The following YAF2 variants were observed in gnomAD, a reference collection of about 807,000 sequenced individuals.
The protein encoded by YAF2 is YY1 associated factor 2.
Under a neutral mutation model 20.1 loss-of-function variants are expected in YAF2, and 7 were observed. The observed-to-expected ratio is 0.35, with a 90% CI of 0.20 to 0.65. The LOEUF is 0.65. Ranked by LOEUF, YAF2 falls within the 30% of genes least tolerant of loss-of-function variation. YAF2 has a pLI of 0.69. For missense variants in YAF2, 151 were observed against 219.2 expected (o/e 0.69, Z 1.96); for synonymous variants, 74 against 76.0 (o/e 0.97, Z 0.14).
intron 2 of YAF2, 24 bp downstream of exon 2, chr12:42,237,575 G>A (rs938075827): frequency 2.7e-6 from 4 of 1,495,272 alleles, no homozygotes; most frequent in East Asian, 5.5e-5. Context: ...GGCCGGCGGC[G>A]CGAGGGGCAG....
At chr12:42,236,012 A>G in intron 2 of YAF2, 2 of 1,535,936 alleles carry the variant, frequency 1.3e-6, no homozygotes, top group Non-Finnish European at 1.7e-6. Flanking sequence ...AAATAAACAT[A>G]TAGGCTCTTC....
chr12:42,233,682 T>G (rs1383142318), intron 2 of YAF2: 11 of 786,942 alleles, frequency 1.4e-5, no homozygotes, highest in Non-Finnish European at 1.7e-5. Flanking sequence ...CAGCTAATTT[T>G]TTTAATTTTT....
At chr12:42,185,525 T>A (rs1395526952) in intron 2 of YAF2, among the ~76,000 whole-genome samples, 1 of 152,030 alleles carries the variant, frequency 6.6e-6, no homozygotes, top group Non-Finnish European at 1.5e-5. Flanking sequence ...AAAGGAAGAG[T>A]TAATCAATGT....
At chr12:42,234,171 A>G in intron 2 of YAF2, 1 of 973,558 alleles carries the variant, frequency 1.0e-6, no homozygotes, top group Non-Finnish European at 1.2e-6. Context: ...ACTGTCTCAA[A>G]TTCTGCCTCA....
At chr12:42,236,583 A>C (rs1354163688) in intron 2 of YAF2, among the ~76,000 whole-genome samples, 1 of 152,182 alleles carries the variant, frequency 6.6e-6, no homozygotes, top group Non-Finnish European at 1.5e-5. Flanking sequence ...TTTTTAAAAA[A>C]TCAAGATCTC....
intron 2 of YAF2, among the ~76,000 whole-genome samples, chr12:42,211,622 G>C (rs552883862): frequency 6.6e-6 from 1 of 151,422 alleles, no homozygotes; most frequent in East Asian, 1.9e-4. Flanking sequence ...GCATGCGCCT[G>C]TAATCCCAGC....
intron 2 of YAF2, among the ~76,000 whole-genome samples, chr12:42,221,200 A>G (rs2067501280): frequency 6.6e-6 from 1 of 152,200 alleles, no homozygotes; most frequent in African/African-American, 2.4e-5. Context: ...ATCTAGGTAT[A>G]GGCAAAATTA....
chr12:42,233,443 C>T (rs1429999103), intron 2 of YAF2: 1 of 980,100 alleles, frequency 1.0e-6, no homozygotes, highest in Non-Finnish European at 1.2e-6. Context: ...TTAAATTAAT[C>T]ATCACACATT....
At chr12:42,236,842 C>A (rs181665263) in intron 2 of YAF2, among the ~76,000 whole-genome samples, 51 of 152,250 alleles carry the variant, frequency 3.3e-4, no homozygotes, top group Non-Finnish European at 2.9e-5. Context: ...ATTAAGAATG[C>A]CACTGACTGA....
intron 2 of YAF2, among the ~76,000 whole-genome samples, chr12:42,178,549 T>C (rs2066256935): frequency 1.3e-5 from 2 of 152,190 alleles, no homozygotes; most frequent in Admixed American, 6.5e-5. Context: ...ATGTAGACTA[T>C]GACAAATAAT....
chr12:42,167,738 G>T (rs1256029192), intron 2 of YAF2, among the ~76,000 whole-genome samples: 1 of 152,156 alleles, frequency 6.6e-6, no homozygotes, highest in Non-Finnish European at 1.5e-5. Flanking sequence ...AGGCTCGGTG[G>T]CTCACATCTA....
At chr12:42,230,488 A>T (rs2067953966) in intron 2 of YAF2, among the ~76,000 whole-genome samples, 1 of 151,990 alleles carries the variant, frequency 6.6e-6, no homozygotes, top group South Asian at 2.1e-4. Flanking sequence ...TTTTTTTTTT[A>T]AATATACAGG....
intron 2 of YAF2, among the ~76,000 whole-genome samples, chr12:42,197,527 A>G (rs1403944413): frequency 6.6e-6 from 1 of 152,238 alleles, no homozygotes; most frequent in Non-Finnish European, 1.5e-5. Flanking sequence ...CTAACTACGT[A>G]GGGAAATGCC....
rs2065737402 is a variant in YAF2 at position 42,158,109 on chromosome 12, G to A, written c.*2480C>T. 1 of 152,154 alleles carries A rather than the reference G, an allele frequency of 6.6e-6. No homozygotes were observed. The highest frequency in any genetic ancestry group is 1.9e-4 in the East Asian group (1 of 5,190). 9.4% of individuals were successfully genotyped at this position (152,154 alleles called of 1,614,324 possible). On this transcript the variant is annotated 3_prime_UTR_variant, in exon 4 of 4. Transcript: ENST00000534854. Reference sequence around the variant, plus strand: ...ATATTTTAACGTCAGTTCTGTTTATGGAATTTGGGTCTGTTTTCCTGGTGT... The same window carrying A: ...ATATTTTAACGTCAGTTCTGTTTATAGAATTTGGGTCTGTTTTCCTGGTGT...
At chr12:42,192,409 T>A (rs1361303598) in intron 2 of YAF2, among the ~76,000 whole-genome samples, 1 of 151,844 alleles carries the variant, frequency 6.6e-6, no homozygotes, top group African/African-American at 2.4e-5. Context: ...CTCAGGAGGC[T>A]GAGTTGATAG....
chr12:42,211,617 C>T lies in YAF2; in HGVS notation c.152+25982G>A, dbSNP rs143541338. On this transcript the variant is annotated intron_variant, in intron 2 of 3. Coordinates refer to ENST00000534854, the MANE Select transcript of YAF2 (RefSeq NM_005748.6). ...AAAAGTAGCCAGGTGTGGTGGCATG[C>T]GCCTGTAATCCCAGCTATTAGGGAG... Among the ~76,000 whole-genome samples the T allele has an allele frequency of 7.0e-3, 1,062 of 151,140 alleles. 39 individuals are homozygous for T. The East Asian group carries it at 0.085, about 12-fold the overall frequency.
chr12:42,210,374 A>G, intron 2 of YAF2: 1 of 1,530,416 alleles, frequency 6.5e-7, no homozygotes, highest in Non-Finnish European at 8.7e-7. Flanking sequence ...GAGTTATCCT[A>G]TTGGGTCTTT....
Position 42,221,180 on chromosome 12 carries a change from A to G in YAF2, c.152+16419T>C, listed in dbSNP as rs1393467143. Among the ~76,000 whole-genome samples the G allele has an allele frequency of 2.0e-5, 3 of 152,352 alleles. No individual in the cohort carries two copies. In the East Asian group the frequency reaches 5.8e-4, roughly 29 times the overall value. On this transcript the variant is annotated intron_variant, in intron 2 of 3. Transcript: ENST00000534854. ...CTAATGTTAGAAACTGTCAAGAGGT[A>G]TACCACTAGATCTAGGTATAGGCAA... is the stretch of plus-strand genomic sequence containing the variant.
At chr12:42,222,486 A>AC (rs915124788) in intron 2 of YAF2, among the ~76,000 whole-genome samples, 3 of 152,170 alleles carry the variant, frequency 2.0e-5, no homozygotes, top group African/African-American at 7.2e-5. Context: ...CATCTTCCTC[A>AC]CCAGCCATAT....
Sources: allele counts gnomAD v4.1 joint callset (sites outside exome capture counted in the v4.1 genomes callset), GRCh38; gene constraint gnomAD v4.1.1; transcripts MANE v1.5; gene names NCBI Gene and HGNC (gene_info 2026-07-23, HGNC 2026-07-21).